STXBP3: variants seen among roughly 807,000 people sequenced by gnomAD.
STXBP3 encodes syntaxin-binding protein 3.
STXBP3 carries 41 observed loss-of-function variants against 85.7 expected under a neutral mutation model. The observed-to-expected ratio is 0.48, with a 90% confidence interval of 0.37 to 0.62. The LOEUF is 0.62. STXBP3 is among the 20% of genes least tolerant of loss of function. STXBP3 has a pLI of 0.00. For missense variants in STXBP3, 563 were observed against 703.1 expected, an observed-to-expected ratio of 0.80 and a Z score of 2.25; for synonymous variants, 229 against 231.7, an observed-to-expected ratio of 0.99 and a Z score of 0.10.
intron 17 of STXBP3, among the ~76,000 whole-genome samples, chr1:108,806,297 T>C (rs1663330771): frequency 6.6e-6 from 1 of 152,176 alleles, no homozygotes; most frequent in Non-Finnish European, 1.5e-5. Context: ...GTACTGGATA[T>C]GTGGCTAAGT....
rs556362415 is a variant in STXBP3 at position 108,777,597 on chromosome 1, T to C, written c.684+1174T>C. On this transcript the variant is annotated intron_variant, in intron 8 of 18. Coordinates refer to ENST00000370008, the MANE Select transcript of STXBP3 (RefSeq NM_007269.4). ...TAAATGTTTGTTGAATGAAGAGATA[T>C]ACAATCAAATATGCTTTTAGTCCTT... is the stretch of plus-strand genomic sequence containing the variant. 5.1e-4 allele frequency among the ~76,000 whole-genome samples: 78 copies of C among 152,234 alleles called. 1 individual carries two copies. The South Asian group carries it at 0.014, about 28-fold the overall frequency.
At chr1:108,765,896 A>G (rs1411457760) in intron 6 of STXBP3, among the ~76,000 whole-genome samples, 1 of 130,282 alleles carries the variant, frequency 7.7e-6, no homozygotes, top group Non-Finnish European at 1.5e-5. Context: ...CTCTGTCACC[A>G]GGCTGGAGTG....
At chr1:108,778,888 A>G (rs1213896417) in intron 8 of STXBP3, among the ~76,000 whole-genome samples, 1 of 152,160 alleles carries the variant, frequency 6.6e-6, no homozygotes, top group Non-Finnish European at 1.5e-5. Flanking sequence ...CAGAACCTAC[A>G]TATCTGGAAA....
chr1:108,764,259 T>C (rs889165856), intron 6 of STXBP3, among the ~76,000 whole-genome samples: 1 of 152,148 alleles, frequency 6.6e-6, no homozygotes, highest in African/African-American at 2.4e-5. Context: ...TACATATATA[T>C]ATAGAGAGAG....
intron 6 of STXBP3, among the ~76,000 whole-genome samples, chr1:108,762,640 T>A (rs1422588158): frequency 6.6e-6 from 1 of 152,188 alleles, no homozygotes; most frequent in Non-Finnish European, 1.5e-5. Context: ...AATGTGATAT[T>A]ATATTATTCA....
intron 6 of STXBP3, among the ~76,000 whole-genome samples, chr1:108,771,585 T>A (rs1439304114): frequency 1.5e-4 from 2 of 13,688 alleles, no homozygotes; most frequent in African/African-American, 3.5e-4. Context: ...GATATATATC[T>A]ATATATATCA....
intron 6 of STXBP3, among the ~76,000 whole-genome samples, chr1:108,768,505 T>A (rs1662316303): frequency 6.6e-6 from 1 of 152,066 alleles, no homozygotes; most frequent in Non-Finnish European, 1.5e-5. Context: ...GTAAAAATAA[T>A]CTAGATGTAA....
chr1:108,763,547 A>C (rs1662188928), intron 6 of STXBP3, among the ~76,000 whole-genome samples: 1 of 152,170 alleles, frequency 6.6e-6, no homozygotes, highest in Admixed American at 6.5e-5. Context: ...AAGTATTATA[A>C]TGGCACTCTG....
intron 17 of STXBP3, among the ~76,000 whole-genome samples, chr1:108,801,405 A>T (rs576875844): frequency 1.6e-4 from 25 of 152,242 alleles, no homozygotes; most frequent in Admixed American, 3.3e-4. Context: ...ATTTGTGTGG[A>T]CTTTGAACTA....
chr1:108,773,067 G>A (rs922244968), intron 7 of STXBP3, among the ~76,000 whole-genome samples: 3 of 152,038 alleles, frequency 2.0e-5, no homozygotes, highest in Non-Finnish European at 4.4e-5. Flanking sequence ...TTTAAAGAAC[G>A]CTTAGAGGAA....
chr1:108,800,167 A>G (rs1374186364), intron 16 of STXBP3, 53 bp from the exon 17 acceptor site: 10 of 1,321,918 alleles, frequency 7.6e-6, no homozygotes, highest in Admixed American at 1.7e-5. Flanking sequence ...TATGCCAAAC[A>G]AAGTCCTGCA....
rs1347946224 is a variant in STXBP3, at chr1:108,798,137, T to C, written c.1357-8T>C. 1.3e-6 allele frequency: 2 copies of C among 1,589,922 alleles called. No individual in the cohort carries two copies. The highest frequency in any genetic ancestry group is 1.7e-6 in the Non-Finnish European group (2 of 1,171,742). On this transcript the variant is annotated splice_polypyrimidine_tract_variant and splice_region_variant and intron_variant, in intron 15 of 18. Coordinates refer to ENST00000370008, the MANE Select transcript of STXBP3 (RefSeq NM_007269.4). ...TGGTTTTTAATTTTTTTCCTCTAAT[T>C]GTATTAGTCTCAACAAGGCAAACCG...
At chr1:108,793,157 ATTTTTTTTTT>A (rs745652259) in intron 11 of STXBP3, among the ~76,000 whole-genome samples, 5 of 67,508 alleles carry the variant, frequency 7.4e-5, no homozygotes, top group African/African-American at 1.2e-4. Context: ...TCTTATCTCC[ATTTTTTTTTT>A]TTTTTTTTTT....
chr1:108,772,808 A>G lies in STXBP3; in HGVS notation c.582A>G (p.Val194=). The part of the protein sequence containing the change: ...VCATLDENPG[V]RYKSKPLDNA... ...CCACCTTGGATGAAAATCCCGGAGT[A>G]AGATATAAAAGGTAAGACACTGAGC... is the stretch of plus-strand genomic sequence containing the variant. The change falls in exon 7 of 19, where the codon GTA becomes GTG. Residue 194 remains valine, a synonymous_variant. Coordinates refer to ENST00000370008, the MANE Select transcript of STXBP3 (RefSeq NM_007269.4). The G allele has an allele frequency of 6.3e-7, 1 of 1,594,362 alleles. No homozygotes were observed. The highest frequency in any genetic ancestry group is 8.6e-7 in the Non-Finnish European group (1 of 1,169,028).
intron 4 of STXBP3, among the ~76,000 whole-genome samples, chr1:108,758,266 ACT>A (rs1343088404): frequency 8.5e-6 from 1 of 117,690 alleles, no homozygotes. Context: ...ATATTACCTT[ACT>A]CTTTTTTTTT....
chr1:108,789,109 A>G (rs961723451), intron 11 of STXBP3, among the ~76,000 whole-genome samples: 4 of 152,168 alleles, frequency 2.6e-5, no homozygotes, highest in Admixed American at 6.5e-5. Context: ...TAATATTTCA[A>G]AGAACCAACA....
chr1:108,747,135 C>T (rs990158588), intron 1 of STXBP3, among the ~76,000 whole-genome samples: 2 of 152,178 alleles, frequency 1.3e-5, no homozygotes, highest in African/African-American at 4.8e-5. Context: ...CTTCTCCGCT[C>T]CCGTCCGCGC....
rs887569953 is a variant in STXBP3, at chr1:108,773,014, C to T, written c.593+195C>T. 2.6e-5 allele frequency among the ~76,000 whole-genome samples: 4 copies of T among 152,048 alleles called. No homozygotes were observed. The South Asian group carries it at 6.2e-4, about 24-fold the overall frequency. On this transcript the variant is annotated intron_variant, in intron 7 of 18. Transcript: ENST00000370008. ...GCAAATAGCTTCTGTTACTGAATTT[C>T]GGAGCCTAAATTTGGTACAATTTAC...
intron 11 of STXBP3, among the ~76,000 whole-genome samples, chr1:108,792,163 T>C (rs909128921): frequency 6.6e-6 from 1 of 152,226 alleles, no homozygotes; most frequent in East Asian, 1.9e-4. Flanking sequence ...TAAAGTCTTA[T>C]ATTTAACTCT....
Sources: allele counts gnomAD v4.1 joint callset (sites outside exome capture counted in the v4.1 genomes callset), GRCh38; gene constraint gnomAD v4.1.1; transcripts MANE v1.5; gene names NCBI Gene and HGNC (gene_info 2026-07-23, HGNC 2026-07-21).